The following PIH1D2 variants were observed in gnomAD, a reference collection of about 807,000 sequenced individuals.
PIH1D2 encodes PIH1 domain-containing protein 2.
PIH1D2 carries 25 observed loss-of-function variants against 31.2 expected under a neutral mutation model. The observed-to-expected ratio is 0.80, with a 90% CI of 0.58 to 1.12. The LOEUF (loss-of-function observed/expected upper bound fraction) is 1.12. Ranked by LOEUF, PIH1D2 falls within the 50% of genes most tolerant of loss-of-function variation. The pLI is 0.00. For synonymous variants in PIH1D2, 116 were observed against 119.9 expected, an observed-to-expected ratio of 0.97 and a Z score of 0.21; for missense variants, 310 against 356.6, an observed-to-expected ratio of 0.87 and a Z score of 1.05.
chr11:112,060,961 C>A, downstream of PIH1D2: 1 of 1,369,948 alleles, frequency 7.3e-7, no homozygotes, highest in Non-Finnish European at 1.0e-6. Context: ...AGCTTAAGGT[C>A]TTTTCACAGA....
rs1418260502 is a variant in PIH1D2 at position 112,070,467 on chromosome 11, GAATT to G, written c.778_781del (p.Asn260LeufsTer15). 6.2e-7 allele frequency: 1 copy of G among 1,613,926 alleles called. No homozygotes were observed. The highest frequency in any genetic ancestry group is 1.3e-5 in the African/African-American group (1 of 74,920). On this transcript the variant is annotated frameshift_variant, in exon 5 of 6. Transcript: ENST00000280350. LOFTEE classifies it high-confidence loss of function. ...AACACTAAGGTCACAGAGAGAGACA[GAATT>G]AATACCAGGTAATTCAACTTTCAAC...
chr11:112,061,330 A>G (rs782150524), downstream of PIH1D2: 37 of 745,484 alleles, frequency 5.0e-5, no homozygotes, highest in Non-Finnish European at 7.9e-5. Context: ...ATATTTGCAT[A>G]TAACCTACAC....
At chr11:112,069,618 A>G (rs1865048469) in intron 5 of PIH1D2, 1 of 152,232 alleles carries the variant, frequency 6.6e-6, no homozygotes, top group African/African-American at 2.4e-5. Flanking sequence ...GAAAGGGAAA[A>G]AAAAAGAAAA....
the PIH1D2 span, among the ~76,000 whole-genome samples, chr11:112,054,707 C>G: frequency 2.1e-4 from 32 of 152,208 alleles, no homozygotes; most frequent in South Asian, 6.6e-3. Context: ...TATTAATGAC[C>G]ACAAAGTTGA....
At position 112,071,414 on chromosome 11, in the gene PIH1D2, T is replaced by C. The variant is rs1865105921; in HGVS notation, c.302-131A>G. The C allele has an allele frequency of 3.8e-6, 5 of 1,310,526 alleles. No individual in the cohort carries two copies. In the South Asian group the frequency reaches 7.3e-5, roughly 19 times the overall value. The allele number at this position is 1,310,526 out of a possible 1,614,324, so 81.2% of individuals were successfully genotyped here. A position where few individuals can be genotyped will look rare whatever the true frequency, so the allele number is the denominator to read the frequency against. ...CTGTATTTTTCAGAGGTAATCACAG[T>C]AGTGCTACAGCAATTATGACATTTC... On this transcript the variant is annotated intron_variant, in intron 3 of 5. Transcript: ENST00000280350.
chr11:112,062,978 G>T, downstream of PIH1D2: 1 of 163,676 alleles, frequency 6.1e-6, no homozygotes, highest in Admixed American at 5.8e-5. Context: ...TTGGGGGAAG[G>T]GCTTGAATTG....
At chr11:112,055,235 ATT>A in the PIH1D2 span, among the ~76,000 whole-genome samples, 592 of 75,408 alleles carry the variant, frequency 7.9e-3, 2 homozygotes, top group African/African-American at 0.029. Flanking sequence ...GTCAAGGCCT[ATT>A]TTTTTTTTTT....
At chr11:112,063,854 C>A, downstream of PIH1D2, 2 of 210,358 alleles carry the variant, frequency 9.5e-6, no homozygotes, top group Non-Finnish European at 9.3e-6. Flanking sequence ...TTTTAATAAA[C>A]GTTTGAAATT....
downstream of PIH1D2, chr11:112,059,862 A>AT: frequency 6.6e-7 from 1 of 1,506,488 alleles, no homozygotes; most frequent in Non-Finnish European, 8.9e-7. Context: ...CAGGCTCTTA[A>AT]TAAACAGTTT....
chr11:112,062,672 A>T (rs1255505835), downstream of PIH1D2: 1 of 1,019,574 alleles, frequency 9.8e-7, no homozygotes, highest in Non-Finnish European at 1.4e-6. Flanking sequence ...TAAGTTATTT[A>T]TAATGGGCAT....
rs782358789 is a variant in PIH1D2 at position 112,067,985 on chromosome 11, T to A, written c.834A>T (p.Val278=). ...SVSEDDLLIE[V]SEKYRLHLNL... ...TCAGATGTAATCTGTACTTCTCAGA[T>A]ACTTCAATCAATAAATCATCCTAAG... The change falls in exon 6 of 6, where the codon GTA becomes GTT. Residue 278 remains valine, a synonymous_variant. Coordinates refer to ENST00000280350, the MANE Select transcript of PIH1D2 (RefSeq NM_138789.4). The A allele has an allele frequency of 2.5e-6, 4 of 1,588,052 alleles. No individual in the cohort carries two copies. Among genetic ancestry groups the A allele is most frequent in the African/African-American group, 1.3e-5 (1 of 74,196 alleles).
downstream of PIH1D2, chr11:112,064,538 T>C (rs1864835620): frequency 4.2e-6 from 1 of 239,180 alleles, no homozygotes; most frequent in African/African-American, 2.3e-5. Flanking sequence ...TTTAGGAGAA[T>C]ATAATCTAAC....
chr11:112,072,044 G>C (rs1294680494), intron 2 of PIH1D2, among the ~76,000 whole-genome samples: 1 of 152,052 alleles, frequency 6.6e-6, no homozygotes, highest in South Asian at 2.1e-4. Context: ...AGTGAGCCAA[G>C]ATTGTGCCAT....
At chr11:112,066,052 A>G (rs1441805461), downstream of PIH1D2, among the ~76,000 whole-genome samples, 1 of 152,212 alleles carries the variant, frequency 6.6e-6, no homozygotes. Flanking sequence ...TTTCTGTTAT[A>G]CAACATTAGT....
intron 2 of PIH1D2, among the ~76,000 whole-genome samples, chr11:112,072,109 A>C (rs1474385191): frequency 6.6e-6 from 1 of 152,148 alleles, no homozygotes; most frequent in East Asian, 1.9e-4. Context: ...AAACAAAAAC[A>C]AAAACATTTA....
the PIH1D2 span, among the ~76,000 whole-genome samples, chr11:112,057,517 G>A: frequency 6.6e-6 from 1 of 152,212 alleles, no homozygotes; most frequent in African/African-American, 2.4e-5. Flanking sequence ...AAGTGAAACA[G>A]CCTTGTTGCT....
At chr11:112,052,909 G>A in the PIH1D2 span, among the ~76,000 whole-genome samples, 239 of 152,132 alleles carry the variant, frequency 1.6e-3, 8 homozygotes, top group East Asian at 0.044. Context: ...TTATATAAGG[G>A]CTCATTATAA....
chr11:112,070,141 C>T, intron 5 of PIH1D2: 2 of 555,236 alleles, frequency 3.6e-6, no homozygotes, highest in Non-Finnish European at 6.4e-6. Flanking sequence ...CTTCTCAGTC[C>T]TACTGATGTA....
At chr11:112,071,586 C>T (rs1272365748) in intron 3 of PIH1D2, 49 bp downstream of exon 3, 1 of 1,574,046 alleles carries the variant, frequency 6.4e-7, no homozygotes. Context: ...AAGATCTTGT[C>T]CATTCCTAAT....
Sources: allele counts gnomAD v4.1 joint callset (sites outside exome capture counted in the v4.1 genomes callset), GRCh38; gene constraint gnomAD v4.1.1; transcripts MANE v1.5; gene names NCBI Gene and HGNC (gene_info 2026-07-23, HGNC 2026-07-21).